The following PPP4R1 variants were observed in gnomAD, a reference collection of about 807,000 sequenced individuals.
The protein encoded by PPP4R1 is serine/threonine-protein phosphatase 4 regulatory subunit 1.
In PPP4R1, 42 loss-of-function variants were observed where a neutral mutation model predicts 111.2. The ratio of observed to expected loss-of-function variants is 0.38; its 90% CI spans 0.29 to 0.49. PPP4R1 has a LOEUF of 0.49. Among genes scored for constraint, PPP4R1 ranks in the 20% least tolerant of loss-of-function variants. PPP4R1 has a pLI of 0.97. For missense variants in PPP4R1, 1,012 were observed against 1,161.6 expected (o/e 0.87, Z 1.87); for synonymous variants, 409 against 405.5 (o/e 1.01, Z -0.10).
intron 10 of PPP4R1, among the ~76,000 whole-genome samples, chr18:9,574,416 C>G (rs2066906821): frequency 1.3e-5 from 2 of 152,126 alleles, no homozygotes; most frequent in Non-Finnish European, 2.9e-5. Context: ...TCCAGGATAC[C>G]TTCCAAGTAC....
chr18:9,584,732 G>A lies in PPP4R1; in HGVS notation c.682C>T (p.His228Tyr), dbSNP rs374022056. 4 of 1,613,598 alleles carry A rather than the reference G, an allele frequency of 2.5e-6. No homozygotes were observed. Among genetic ancestry groups the A allele is most frequent in the Non-Finnish European group, 3.4e-6 (4 of 1,179,688 alleles). Residue 228 changes from histidine (H) to tyrosine (Y), a missense_variant, in exon 7 of 20, where the codon CAC becomes TAC. Transcript: ENST00000400556. ...CGACAAAAAAATACCTTTCGAACGT[G>A]AAACATTCTGCAATCGCAGCACATC... ...CEMCCDCRMFHVRKVCAANFG... is the reference protein window; with the variant it reads ...CEMCCDCRMFYVRKVCAANFG...
chr18:9,569,191 GAAAAAAAAA>G (rs1175501445), intron 11 of PPP4R1, among the ~76,000 whole-genome samples: 4 of 53,312 alleles, frequency 7.5e-5, no homozygotes, highest in Non-Finnish European at 1.6e-4. Flanking sequence ...CTCCGTCTCA[GAAAAAAAAA>G]AAAAAAAAAG....
rs1469510314 is a variant in PPP4R1, at chr18:9,586,507, T to C, written c.585+1582A>G. Among the ~76,000 whole-genome samples, 12 of 152,126 alleles carry C rather than the reference T, an allele frequency of 7.9e-5. No homozygotes were observed. In the East Asian group the frequency reaches 2.3e-3, roughly 29 times the overall value. On this transcript the variant is annotated intron_variant, in intron 6 of 19. Transcript: ENST00000400556. ...TTAAATGCCACTAACACTAAAATGA[T>C]TTTATGTCATGTAAGGTTCACTTCA... is the stretch of plus-strand genomic sequence containing the variant.
intron 2 of PPP4R1, among the ~76,000 whole-genome samples, chr18:9,609,821 T>C (rs1378126123): frequency 6.6e-6 from 1 of 152,246 alleles, no homozygotes; most frequent in Non-Finnish European, 1.5e-5. Context: ...TATTTTAAAC[T>C]GGGCCATTTA....
rs201231873 is a variant in PPP4R1, at chr18:9,555,323, T to TA, written c.2190+1897dup. Among the ~76,000 whole-genome samples the TA allele has an allele frequency of 1.5e-3, 229 of 150,392 alleles. 1 individual carries two copies. Among genetic ancestry groups the TA allele is most frequent in the Admixed American group, 2.4e-3 (36 of 15,068 alleles). ...TCTCAAAATAAGTAAGTTAATTAAT[T>TA]AAAAAAAAACAGAAAGAATTATGAA... On this transcript the variant is annotated intron_variant, in intron 15 of 19. Coordinates refer to ENST00000400556, the MANE Select transcript of PPP4R1 (RefSeq NM_001042388.3).
chr18:9,613,172 C>T (rs573537194), intron 2 of PPP4R1, among the ~76,000 whole-genome samples: 4 of 152,316 alleles, frequency 2.6e-5, no homozygotes, highest in African/African-American at 9.6e-5. Flanking sequence ...CATCTCAACT[C>T]AGAACAATTT....
chr18:9,578,044 G>A (rs2066965915), intron 9 of PPP4R1, among the ~76,000 whole-genome samples: 1 of 152,102 alleles, frequency 6.6e-6, no homozygotes, highest in Admixed American at 6.6e-5. Context: ...ATGTAGGAGG[G>A]GTGATAAAGA....
At chr18:9,548,841 C>A (rs2066442245) in intron 19 of PPP4R1, among the ~76,000 whole-genome samples, 1 of 152,198 alleles carries the variant, frequency 6.6e-6, no homozygotes, top group African/African-American at 2.4e-5. Flanking sequence ...TTGCTTGAAC[C>A]CGGAAGGCAG....
chr18:9,547,728 G>C lies in PPP4R1; in HGVS notation c.*61C>G. On this transcript the variant is annotated 3_prime_UTR_variant, in exon 20 of 20. Transcript: ENST00000400556. The stretch of plus-strand genomic sequence containing the variant: ...AAAGCTATCCCAGGTCACATGCGTG[G>C]CGAATGCCCACTGAACCTCGGCTCT... 1 of 1,583,892 alleles carries C rather than the reference G, an allele frequency of 6.3e-7. No individual in the cohort carries two copies. The highest frequency in any genetic ancestry group is 8.6e-7 in the Non-Finnish European group (1 of 1,156,212).
chr18:9,554,044 T>C (rs948478507), intron 15 of PPP4R1, among the ~76,000 whole-genome samples: 1 of 152,216 alleles, frequency 6.6e-6, no homozygotes, highest in Non-Finnish European at 1.5e-5. Flanking sequence ...GAATATTATG[T>C]AGTTGATTTG....
chr18:9,581,994 T>G (rs767037355), intron 9 of PPP4R1, among the ~76,000 whole-genome samples: 1 of 152,030 alleles, frequency 6.6e-6, no homozygotes, highest in Admixed American at 6.6e-5. Context: ...CACAGATAAA[T>G]GAAAACAGAA....
At chr18:9,600,816 C>T (rs1042305438) in intron 2 of PPP4R1, among the ~76,000 whole-genome samples, 7 of 151,950 alleles carry the variant, frequency 4.6e-5, no homozygotes, top group African/African-American at 1.5e-4. Context: ...GGGAGGCAGA[C>T]ATTTCAGTAA....
intron 10 of PPP4R1, 118 bp from the exon 11 acceptor site, chr18:9,570,801 T>C (rs2066850371): frequency 9.0e-7 from 1 of 1,107,276 alleles, no homozygotes; most frequent in Non-Finnish European, 1.2e-6. Context: ...AATTACGGAT[T>C]ATCTGTACAA....
At position 9,549,221 on chromosome 18, in the gene PPP4R1, A is replaced by G. The variant is rs373045147; in HGVS notation, c.2665T>C (p.Leu889=). The G allele has an allele frequency of 1.2e-6, 2 of 1,613,838 alleles. No homozygotes were observed. The highest frequency in any genetic ancestry group is 2.7e-5 in the African/African-American group (2 of 74,922). The change falls in exon 19 of 20, where the codon TTA becomes CTA. Residue 889 remains leucine (L), a synonymous_variant. Coordinates refer to ENST00000400556, the MANE Select transcript of PPP4R1 (RefSeq NM_001042388.3). ...CCTTTTTCTAGTAGAGTTTGTCTTA[A>G]TGTCTTTGCAAGCAGCACTCGCACG... ...PNVRVLLAKT[L]RQTLLEKDYF...
Position 9,577,074 on chromosome 18 carries a change from T to A in PPP4R1, c.1036A>T (p.Asn346Tyr). The A allele has an allele frequency of 6.4e-7, 1 of 1,558,684 alleles. No individual in the cohort carries two copies. The highest frequency in any genetic ancestry group is 8.7e-7 in the Non-Finnish European group (1 of 1,153,392). The change falls in exon 10 of 20, where the codon AAC becomes TAC. Residue 346 changes from asparagine to tyrosine, a missense_variant. Physicochemically the swap from Asn to Tyr is moderately radical, Grantham distance 143. Around this residue, in one of 2 missense-constraint regions of PPP4R1, gnomAD observed 707 missense variants for 742.1 expected, o/e 0.95. Transcript: ENST00000400556. ...SKSSEEMSVE[N>Y]KNRTRDQEAP... Reference sequence around the variant, plus strand: ...GTTTCAAAATTATACCTATTTTTGTTTTCTACTGACATCTCTTCTGAACTT... The same window carrying A: ...GTTTCAAAATTATACCTATTTTTGTATTCTACTGACATCTCTTCTGAACTT...
In PPP4R1 at chr18:9,588,732, G is replaced by A; in HGVS notation, c.417C>T (p.Tyr139=). ...SKFLLPIVVR[Y]LADQNNQVRK... ...TTACCTGATTATTCTGATCTGCAAG[G>A]TATCTAACCACAATAGGTAGTAAGA... Residue 139 remains tyrosine (Y), a synonymous_variant, in exon 5 of 20, where the codon TAC becomes TAT. Transcript: ENST00000400556. 1.9e-6 allele frequency: 3 copies of A among 1,611,846 alleles called. No individual in the cohort carries two copies. Among genetic ancestry groups the A allele is most frequent in the Non-Finnish European group, 2.5e-6 (3 of 1,178,230 alleles).
At chr18:9,557,743 C>G (rs2066610733) in intron 14 of PPP4R1, among the ~76,000 whole-genome samples, 1 of 152,088 alleles carries the variant, frequency 6.6e-6, no homozygotes, top group Non-Finnish European at 1.5e-5. Flanking sequence ...TAAGCACATG[C>G]TAGAACATGC....
At chr18:9,556,690 G>C (rs952837615) in intron 15 of PPP4R1, among the ~76,000 whole-genome samples, 1 of 152,192 alleles carries the variant, frequency 6.6e-6, no homozygotes, top group South Asian at 2.1e-4. Flanking sequence ...AAATTCTCAA[G>C]ACGCCTGAAA....
Position 9,577,065 on chromosome 18 carries a change from T to C in PPP4R1, c.1045A>G (p.Arg349Gly). 1 of 1,543,148 alleles carries C rather than the reference T, an allele frequency of 6.5e-7. No homozygotes were observed. Among genetic ancestry groups the C allele is most frequent in the Non-Finnish European group, 8.8e-7 (1 of 1,142,752 alleles). The change falls in exon 10 of 20, where the codon AGG becomes GGG. Residue 349 changes from arginine to glycine, a missense_variant and splice_region_variant. Physicochemically the swap from Arg to Gly is moderately radical, Grantham distance 125 (BLOSUM62 -2). This residue lies in a region of PPP4R1 where 707 missense variants were observed against 742.1 expected (regional missense o/e 0.95). Coordinates refer to ENST00000400556, the MANE Select transcript of PPP4R1 (RefSeq NM_001042388.3). ...SEEMSVENKN[R>G]TRDQEAPEDV... is the part of the protein sequence containing the mutation. ...TAGAAAATGGTTTCAAAATTATACCTATTTTTGTTTTCTACTGACATCTCT... is the reference window on the plus strand; with the variant it reads ...TAGAAAATGGTTTCAAAATTATACCCATTTTTGTTTTCTACTGACATCTCT...
Sources: gnomAD v4.1 joint callset for allele counts (sites outside exome capture counted in the v4.1 genomes callset) on GRCh38, gnomAD v4.1.1 for gene constraint, gnomAD v4.1.1 regional missense constraint, MANE v1.5 for transcripts, NCBI Gene and HGNC (gene_info 2026-07-23, HGNC 2026-07-21) for gene names.